The following GPHN variants were observed in gnomAD, a reference collection of about 807,000 sequenced individuals.
GPHN encodes gephyrin.
A neutral mutation model predicts 95.5 loss-of-function variants in GPHN; 17 were observed. That is an observed-to-expected ratio of 0.18 (90% CI 0.12 to 0.27). The LOEUF is 0.27. Among genes scored for constraint, GPHN ranks in the 10% least tolerant of loss-of-function variants. The pLI, the probability that GPHN is intolerant of heterozygous loss-of-function variation, is 1.00. For synonymous variants in GPHN, 320 were observed against 322.5 expected (o/e 0.99, Z 0.08); for missense variants, 660 against 978.1 (o/e 0.67, Z 4.34).
intron 9 of GPHN, chr14:66,968,991 TC>T (rs2069548408): frequency 6.6e-6 from 1 of 152,148 alleles, no homozygotes; most frequent in Non-Finnish European, 1.5e-5. Context: ...GAGAACAAAA[TC>T]TATAAAACTA....
chr14:66,596,660 T>C (rs894707865), intron 1 of GPHN, among the ~76,000 whole-genome samples: 1 of 152,110 alleles, frequency 6.6e-6, no homozygotes, highest in Non-Finnish European at 1.5e-5. Flanking sequence ...TTGTAGTGGG[T>C]GCTTGGAGTG....
the GPHN span, among the ~76,000 whole-genome samples, chr14:67,301,700 C>T: frequency 6.6e-6 from 1 of 152,016 alleles, no homozygotes; most frequent in Admixed American, 6.6e-5. Flanking sequence ...ATTCTTCCCC[C>T]CTTTGGTTGT....
chr14:67,270,145 G>C, the GPHN span: 1 of 152,118 alleles, frequency 6.6e-6, no homozygotes, highest in Non-Finnish European at 1.5e-5. Flanking sequence ...ACCCTTTTCA[G>C]TGGGTCTGTA....
chr14:66,687,141 G>T (rs189572269), intron 2 of GPHN, among the ~76,000 whole-genome samples: 5 of 152,168 alleles, frequency 3.3e-5, no homozygotes, highest in African/African-American at 1.2e-4. Flanking sequence ...TGTGCTGCTG[G>T]ACTCCCACAC....
At chr14:67,272,359 C>T in the GPHN span, among the ~76,000 whole-genome samples, 1 of 152,128 alleles carries the variant, frequency 6.6e-6, no homozygotes, top group East Asian at 1.9e-4. Flanking sequence ...ATTTCTCCAT[C>T]TTGTCTTTAA....
At chr14:66,700,838 G>A (rs913927566) in intron 2 of GPHN, among the ~76,000 whole-genome samples, 2 of 151,986 alleles carry the variant, frequency 1.3e-5, no homozygotes, top group South Asian at 2.1e-4. Flanking sequence ...CAGGAGAATC[G>A]CTTGAATCCG....
intron 3 of GPHN, among the ~76,000 whole-genome samples, chr14:66,807,694 T>A (rs949939215): frequency 6.6e-6 from 1 of 152,232 alleles, no homozygotes; most frequent in Non-Finnish European, 1.5e-5. Flanking sequence ...TATCTTTACT[T>A]CTTTTGAGCT....
At chr14:67,636,721 G>C in the GPHN span, among the ~76,000 whole-genome samples, 1 of 152,168 alleles carries the variant, frequency 6.6e-6, no homozygotes, top group African/African-American at 2.4e-5. Flanking sequence ...AGTAGTACTC[G>C]GTGTATTTTA....
chr14:66,992,376 AAAGTC>A (rs2071494092), intron 9 of GPHN, among the ~76,000 whole-genome samples: 1 of 152,142 alleles, frequency 6.6e-6, no homozygotes, highest in African/African-American at 2.4e-5. Context: ...TAAAGTGAAA[AAAGTC>A]AAGGGAGGAG....
intron 2 of GPHN, among the ~76,000 whole-genome samples, chr14:66,759,048 T>G (rs2058670142): frequency 6.6e-6 from 1 of 152,220 alleles, no homozygotes; most frequent in Admixed American, 6.5e-5. Context: ...AATCTTATAC[T>G]TGGCTTGAAT....
rs554106241 is a variant in GPHN at position 66,805,085 on chromosome 14, G to T, written c.202-19389G>T. 5.5e-4 allele frequency among the ~76,000 whole-genome samples: 84 copies of T among 152,308 alleles called. 1 individual carries two copies. Among genetic ancestry groups the T allele is most frequent in the Admixed American group, 3.2e-3 (49 of 15,298 alleles). ...ACTGGGCAATTTACAAAAGAAATAAGTTTGTTGGACTTACAGTTCCCCATG... is the reference window on the plus strand; with the variant it reads ...ACTGGGCAATTTACAAAAGAAATAATTTTGTTGGACTTACAGTTCCCCATG... On this transcript the variant is annotated intron_variant, in intron 3 of 22. Transcript: ENST00000478722.
chr14:67,282,648 T>C, the GPHN span, among the ~76,000 whole-genome samples: 5 of 152,130 alleles, frequency 3.3e-5, no homozygotes, highest in African/African-American at 1.2e-4. Flanking sequence ...GAAATAGTGA[T>C]ATGGGAACTA....
At chr14:67,233,613 T>G in the GPHN span, among the ~76,000 whole-genome samples, 1 of 152,222 alleles carries the variant, frequency 6.6e-6, no homozygotes, top group African/African-American at 2.4e-5. Flanking sequence ...TCTGGCTGAC[T>G]TCCCCCAGTC....
At chr14:67,365,212 G>A in the GPHN span, among the ~76,000 whole-genome samples, 1 of 152,150 alleles carries the variant, frequency 6.6e-6, no homozygotes. Flanking sequence ...GTACATCCTA[G>A]GATTTTATGG....
chr14:66,750,904 CT>C (rs1467801259), intron 2 of GPHN, among the ~76,000 whole-genome samples: 2 of 151,844 alleles, frequency 1.3e-5, no homozygotes, highest in African/African-American at 4.8e-5. Flanking sequence ...AGTTTTTGTA[CT>C]GCTGGGATAT....
chr14:67,078,363 C>G (rs1052590899), intron 11 of GPHN, among the ~76,000 whole-genome samples: 1 of 152,142 alleles, frequency 6.6e-6, no homozygotes, highest in Non-Finnish European at 1.5e-5. Context: ...TTGGCTCCCA[C>G]TGCTTCAGCT....
At chr14:67,102,744 C>T (rs193217097) in intron 13 of GPHN, among the ~76,000 whole-genome samples, 165 of 152,216 alleles carry the variant, frequency 1.1e-3, no homozygotes, top group Non-Finnish European at 1.8e-3. Context: ...GTTTGGCAAA[C>T]GCTATGTTCC....
intron 1 of GPHN, among the ~76,000 whole-genome samples, chr14:66,563,423 A>G (rs2060345161): frequency 6.6e-6 from 1 of 152,198 alleles, no homozygotes; most frequent in African/African-American, 2.4e-5. Context: ...TTTGAATACT[A>G]GATTTCATCT....
the GPHN span, among the ~76,000 whole-genome samples, chr14:67,351,441 T>C: frequency 5.3e-5 from 8 of 152,246 alleles, no homozygotes; most frequent in Admixed American, 4.6e-4. Context: ...AAGCCTTATA[T>C]GTAACTCAGA....
Sources: allele counts gnomAD v4.1 joint callset (sites outside exome capture counted in the v4.1 genomes callset), GRCh38; gene constraint gnomAD v4.1.1; transcripts MANE v1.5; gene names NCBI Gene and HGNC (gene_info 2026-07-23, HGNC 2026-07-21).